PARD3B: variants seen among roughly 807,000 people sequenced by gnomAD.
PARD3B encodes partitioning defective 3 homolog B.
PARD3B carries 103 observed loss-of-function variants against 130.2 expected under a neutral mutation model. That is an observed-to-expected ratio of 0.79 (90% CI 0.67 to 0.93). The LOEUF is 0.93. Among genes scored for constraint, PARD3B ranks in the 40% least tolerant of loss-of-function variants. The pLI is 0.00. For synonymous variants in PARD3B, 583 were observed against 553.2 expected, an observed-to-expected ratio of 1.05 and a Z score of -0.76; for missense variants, 1,609 against 1,499.2, an observed-to-expected ratio of 1.07 and a Z score of -1.21.
At chr2:204,676,676 T>A (rs1422376796) in intron 1 of PARD3B, among the ~76,000 whole-genome samples, 1 of 148,498 alleles carries the variant, frequency 6.7e-6, no homozygotes, top group East Asian at 2.0e-4. Context: ...GTTTTTTTTT[T>A]TTTTTTTTTT....
At chr2:205,486,033 C>T (rs1475397118) in intron 20 of PARD3B, among the ~76,000 whole-genome samples, 5 of 152,090 alleles carry the variant, frequency 3.3e-5, no homozygotes, top group Non-Finnish European at 5.9e-5. Flanking sequence ...GTCTTAATCA[C>T]CTTTGCATCC....
intron 1 of PARD3B, among the ~76,000 whole-genome samples, chr2:204,565,890 T>G (rs1438894817): frequency 1.3e-5 from 2 of 152,236 alleles, no homozygotes; most frequent in African/African-American, 4.8e-5. Flanking sequence ...GGCAGAATGC[T>G]TTATGTGTAC....
chr2:205,555,259 C>CTCAT (rs1443919662), intron 22 of PARD3B, among the ~76,000 whole-genome samples: 4 of 152,112 alleles, frequency 2.6e-5, no homozygotes, highest in African/African-American at 7.2e-5. Context: ...ATAAATTTCA[C>CTCAT]TCATTCATTC....
chr2:205,532,241 G>T (rs190329744), intron 21 of PARD3B, among the ~76,000 whole-genome samples: 1 of 152,262 alleles, frequency 6.6e-6, no homozygotes, highest in Non-Finnish European at 1.5e-5. Context: ...TTCTGGTCAT[G>T]ATGAGTCATA....
intron 1 of PARD3B, among the ~76,000 whole-genome samples, chr2:204,612,699 C>G (rs919463650): frequency 1.3e-5 from 2 of 152,080 alleles, no homozygotes; most frequent in African/African-American, 4.8e-5. Flanking sequence ...ACATGTAAAA[C>G]TGCATGTATT....
chr2:205,322,993 T>C (rs849190), intron 18 of PARD3B, among the ~76,000 whole-genome samples: 133,410 of 146,496 alleles, frequency 0.91, 60,845 homozygotes, highest in Admixed American at 0.94. Flanking sequence ...TCACTGCAGT[T>C]TCCGCCTCCT....
chr2:204,944,399 G>A lies in PARD3B; in HGVS notation c.223-20753G>A, dbSNP rs142823107. On this transcript the variant is annotated intron_variant, in intron 2 of 22. Transcript: ENST00000406610. ...GATACCTGAAAGGGCAAGGAGATGT[G>A]CCCTTTGGTAAATAGCAATCCATCA... 2.3e-3 allele frequency among the ~76,000 whole-genome samples: 353 copies of A among 152,286 alleles called. 2 individuals carry two copies. The highest frequency in any genetic ancestry group is 7.8e-3 in the African/African-American group (325 of 41,574).
At chr2:204,960,235 G>A (rs1180475503) in intron 2 of PARD3B, among the ~76,000 whole-genome samples, 1 of 152,160 alleles carries the variant, frequency 6.6e-6, no homozygotes, top group African/African-American at 2.4e-5. Context: ...TCAAAGTGGT[G>A]TATTGGCAGA....
intron 2 of PARD3B, among the ~76,000 whole-genome samples, chr2:204,747,771 T>G (rs1458664213): frequency 1.3e-5 from 2 of 152,040 alleles, no homozygotes; most frequent in African/African-American, 4.8e-5. Context: ...CAAAATGATA[T>G]AGCAGGATTT....
chr2:205,426,714 C>A (rs2047159821), intron 19 of PARD3B, among the ~76,000 whole-genome samples: 1 of 152,116 alleles, frequency 6.6e-6, no homozygotes, highest in South Asian at 2.1e-4. Context: ...TGGACACATT[C>A]TGCATGAGAC....
intron 16 of PARD3B, among the ~76,000 whole-genome samples, chr2:205,250,145 A>G (rs764427673): frequency 2.6e-5 from 4 of 151,932 alleles, no homozygotes; most frequent in Non-Finnish European, 5.9e-5. Context: ...CTTTCTGTCT[A>G]CTAAAATGAC....
At chr2:205,001,604 G>A (rs1442067542) in intron 3 of PARD3B, among the ~76,000 whole-genome samples, 1 of 152,122 alleles carries the variant, frequency 6.6e-6, no homozygotes, top group South Asian at 2.1e-4. Context: ...GATAAACCTG[G>A]GTGGTCTCAA....
chr2:205,472,218 G>A (rs1477496863), intron 20 of PARD3B, among the ~76,000 whole-genome samples: 1 of 152,042 alleles, frequency 6.6e-6, no homozygotes, highest in Non-Finnish European at 1.5e-5. Flanking sequence ...ATGAAGTCAT[G>A]GAAAGTCAAG....
rs145458722 is a variant in PARD3B, at chr2:204,832,296, G to A, written c.223-132856G>A. The stretch of plus-strand genomic sequence containing the variant: ...TCTGGACCAACTGGATGATTTTTTA[G>A]TGTACTTCCTCAAGATTTTTGCGTT... On this transcript the variant is annotated intron_variant, in intron 2 of 22. Coordinates refer to ENST00000406610, the MANE Select transcript of PARD3B (RefSeq NM_001302769.2). Among the ~76,000 whole-genome samples, 71 of 152,118 alleles carry A rather than the reference G, an allele frequency of 4.7e-4. 1 individual carries two copies. Among genetic ancestry groups the A allele is most frequent in the Admixed American group, 1.2e-3 (18 of 15,284 alleles).
intron 2 of PARD3B, among the ~76,000 whole-genome samples, chr2:204,695,586 C>T (rs2037573216): frequency 6.6e-6 from 1 of 152,044 alleles, no homozygotes; most frequent in Admixed American, 6.6e-5. Context: ...ATAAAGTCAG[C>T]TTTTAGGAGG....
chr2:205,322,521 T>G (rs1416067021), intron 18 of PARD3B, among the ~76,000 whole-genome samples: 2 of 152,206 alleles, frequency 1.3e-5, no homozygotes, highest in Non-Finnish European at 2.9e-5. Context: ...GTAGTATCCA[T>G]GTGTGTTCCT....
At chr2:204,734,299 C>G (rs2039648617) in intron 2 of PARD3B, among the ~76,000 whole-genome samples, 1 of 152,142 alleles carries the variant, frequency 6.6e-6, no homozygotes, top group Non-Finnish European at 1.5e-5. Context: ...AGCTTGAACT[C>G]TCATACATTG....
rs1232109942 is a variant in PARD3B, at chr2:205,615,673, C to A, written c.3478C>A (p.Pro1160Thr). Residue 1160 changes from proline (P) to threonine (T), a missense_variant, in exon 23 of 23, where the codon CCG becomes ACG. Transcript: ENST00000406610. ...CAAAGGACCCTTTCGACAAGACGTT[C>A]CGCCTTCCCCTCCCCAGCACCAAAG... Reference protein sequence around the residue: ...QHKGPFRQDVPPSPPQHQRMP... With the variant: ...QHKGPFRQDVTPSPPQHQRMP... 6.2e-7 allele frequency: 1 copy of A among 1,614,026 alleles called. No homozygotes were observed. Among genetic ancestry groups the A allele is most frequent in the Non-Finnish European group, 8.5e-7 (1 of 1,179,980 alleles).
In PARD3B at chr2:205,125,242, C is replaced by T. The variant is rs913743464; in HGVS notation, c.1306-367C>T. On this transcript the variant is annotated intron_variant, in intron 9 of 22. Transcript: ENST00000406610. This position sits in a 1 kb window ranked among gnomAD's most constrained non-coding sequence, Gnocchi z 4.0. ...AGGTTCGTATTTGCAGAGAAATTTGCCTTGTGATCATGGTTCACTCTGCTT... is the reference window on the plus strand; with the variant it reads ...AGGTTCGTATTTGCAGAGAAATTTGTCTTGTGATCATGGTTCACTCTGCTT... 3.3e-5 allele frequency among the ~76,000 whole-genome samples: 5 copies of T among 152,122 alleles called. No homozygotes were observed. Among genetic ancestry groups the T allele is most frequent in the East Asian group, 3.9e-4 (2 of 5,188 alleles).
Sources: gnomAD v4.1 joint callset for allele counts (sites outside exome capture counted in the v4.1 genomes callset) on GRCh38, gnomAD v4.1.1 for gene constraint, Gnocchi (gnomAD v3.1) non-coding constraint, MANE v1.5 for transcripts, NCBI Gene and HGNC (gene_info 2026-07-23, HGNC 2026-07-21) for gene names.